GRAMD1A: variants seen among roughly 807,000 people sequenced by gnomAD.
GRAMD1A encodes protein Aster-A.
A neutral mutation model predicts 92.0 loss-of-function variants in GRAMD1A; 50 were observed. The ratio of observed to expected loss-of-function variants is 0.54; its 90% CI spans 0.43 to 0.69. The LOEUF is 0.69. GRAMD1A is among the 30% of genes least tolerant of loss of function. The pLI is 0.00. For synonymous variants in GRAMD1A, 405 were observed against 403.6 expected (o/e 1.00, Z -0.04); for missense variants, 819 against 978.9 (o/e 0.84, Z 2.18).
chr19:35,003,399 T>C (rs2014559693), intron 1 of GRAMD1A, among the ~76,000 whole-genome samples: 1 of 152,098 alleles, frequency 6.6e-6, no homozygotes, highest in South Asian at 2.1e-4. Flanking sequence ...CCGAGTCTCC[T>C]CGCCCCTATA....
intron 13 of GRAMD1A, among the ~76,000 whole-genome samples, chr19:35,019,782 T>C (rs1347657730): frequency 6.6e-6 from 1 of 152,088 alleles, no homozygotes; most frequent in East Asian, 1.9e-4. Context: ...CAATATCACC[T>C]CTCTCAGGGA....
At chr19:35,022,865 C>T (rs1227536483) in intron 16 of GRAMD1A, 35 bp from the exon 17 acceptor site, 4 of 1,600,574 alleles carry the variant, frequency 2.5e-6, no homozygotes, top group Middle Eastern at 1.8e-4. Flanking sequence ...AGGCGGCGCT[C>T]ATCTCTCTGT....
At chr19:35,002,181 C>T (rs1442963710) in intron 1 of GRAMD1A, among the ~76,000 whole-genome samples, 1 of 152,040 alleles carries the variant, frequency 6.6e-6, no homozygotes, top group East Asian at 1.9e-4. Flanking sequence ...TGGGAGTACC[C>T]AGGGCACTTT....
rs1376240400 is a variant in GRAMD1A at position 35,021,193 on chromosome 19, G to A, written c.1476-309G>A. On this transcript the variant is annotated intron_variant, in intron 13 of 19. Transcript: ENST00000317991. The surrounding 1 kb of genome is among the most constrained non-coding windows in gnomAD (Gnocchi z 5.3). ...TGGGGTGCAGCAGCCGAATGGAAGA[G>A]GTTCAGGGGCATGGTCTGGTTAAGA... 6.6e-6 allele frequency among the ~76,000 whole-genome samples: 1 copy of A among 152,218 alleles called. No homozygotes were observed. Among genetic ancestry groups the A allele is most frequent in the Non-Finnish European group, 1.5e-5 (1 of 68,042 alleles).
chr19:35,024,679 T>G, intron 19 of GRAMD1A, among the ~76,000 whole-genome samples: 1 of 152,002 alleles, frequency 6.6e-6, no homozygotes, highest in African/African-American at 2.4e-5. Flanking sequence ...GAAATCAAGC[T>G]TGGGAGAGGC....
chr19:34,997,071 C>T (rs2014065718), upstream of GRAMD1A, among the ~76,000 whole-genome samples: 1 of 152,030 alleles, frequency 6.6e-6, no homozygotes, highest in African/African-American at 2.4e-5. Context: ...ACCACCACAC[C>T]TGTCTATTTT....
chr19:35,017,934 T>TC (rs1195488128), intron 11 of GRAMD1A, among the ~76,000 whole-genome samples: 6 of 152,228 alleles, frequency 3.9e-5, no homozygotes, highest in Non-Finnish European at 7.3e-5. Context: ...CTCCAAGCCC[T>TC]GCATAGGCCT....
intron 1 of GRAMD1A, among the ~76,000 whole-genome samples, chr19:35,008,003 T>C (rs779799829): frequency 6.6e-6 from 1 of 152,110 alleles, no homozygotes; most frequent in Non-Finnish European, 1.5e-5. Flanking sequence ...CAATAAATAT[T>C]TGTTGTATGA....
chr19:35,004,997 T>G (rs1288195892), intron 1 of GRAMD1A, among the ~76,000 whole-genome samples: 1 of 152,120 alleles, frequency 6.6e-6, no homozygotes, highest in East Asian at 1.9e-4. Flanking sequence ...TGGAAGGTCC[T>G]TGGACTGTGG....
At chr19:35,003,258 C>G (rs544935676) in intron 1 of GRAMD1A, among the ~76,000 whole-genome samples, 1 of 152,110 alleles carries the variant, frequency 6.6e-6, no homozygotes, top group Non-Finnish European at 1.5e-5. Flanking sequence ...TACTGTGTGA[C>G]AATCATTGAG....
chr19:35,013,566 A>C lies in GRAMD1A; in HGVS notation c.745A>C (p.Ile249Leu). Residue 249 changes from isoleucine (I) to leucine (L), a missense_variant, in exon 9 of 20, where the codon ATC becomes CTC. Ile to Leu is a conservative substitution (Grantham distance 5, BLOSUM62 2). Transcript: ENST00000317991. The surrounding 1 kb of genome is among the most constrained non-coding windows in gnomAD (Gnocchi z 4.9). Reference protein sequence around the residue: ...LGTPKEVGDVIALSDITSSGA... With the variant: ...LGTPKEVGDVLALSDITSSGA... ...GACCCCCAAGGAAGTGGGAGATGTG[A>C]TCGCCCTGAGCGACATCACCTCCTC... 1 of 1,610,442 alleles carries C rather than the reference A, an allele frequency of 6.2e-7. No individual in the cohort carries two copies. Among genetic ancestry groups the C allele is most frequent in the Non-Finnish European group, 8.5e-7 (1 of 1,177,866 alleles).
Position 35,013,177 on chromosome 19 carries a change from C to T in GRAMD1A, c.607-79C>T, listed in dbSNP as rs1447022313. 9.5e-6 allele frequency: 7 copies of T among 732,986 alleles called. No homozygotes were observed. Among genetic ancestry groups the T allele is most frequent in the East Asian group, 8.1e-5 (3 of 36,820 alleles). The allele number at this position is 732,986 out of a possible 1,614,324, so 45.4% of individuals were successfully genotyped here. On this transcript the variant is annotated intron_variant, in intron 7 of 19. Transcript: ENST00000317991. This position sits in a 1 kb window ranked among gnomAD's most constrained non-coding sequence, Gnocchi z 4.9. ...TGGAAGCCAGGGGAACTGCGGAGGCCGAGGGCTGGTGGGGAATCTGGCGGG... is the reference window on the plus strand; with the variant it reads ...TGGAAGCCAGGGGAACTGCGGAGGCTGAGGGCTGGTGGGGAATCTGGCGGG...
chr19:34,995,151 C>T lies in GRAMD1A; in HGVS notation c.-30+326C>T, dbSNP rs376762159. Among the ~76,000 whole-genome samples, 17 of 152,340 alleles carry T rather than the reference C, an allele frequency of 1.1e-4. 1 individual carries two copies. The highest frequency in any genetic ancestry group is 3.1e-4 in the African/African-American group (13 of 41,570). On this transcript the variant is annotated intron_variant, in intron 1 of 19. Transcript: ENST00000599564. ...CTAAGCAAACAGGGAAGGGGAATCC[C>T]GATTCGGCCTCTCTGTCTGTCCGGC...
chr19:35,007,292 G>T (rs1294883019), intron 1 of GRAMD1A, among the ~76,000 whole-genome samples: 2 of 151,422 alleles, frequency 1.3e-5, no homozygotes, highest in African/African-American at 4.9e-5. Flanking sequence ...GGTGGCTCAC[G>T]CCTGTAATCC....
intron 6 of GRAMD1A, 42 bp downstream of exon 6, chr19:35,010,421 C>T (rs749314060): frequency 3.9e-6 from 5 of 1,297,036 alleles, no homozygotes; most frequent in African/African-American, 2.9e-5. Flanking sequence ...GTCCCCCGCT[C>T]AGCAGGCCGC....
rs114728615 is a variant in GRAMD1A at position 35,026,324 on chromosome 19, C to T, written c.*183C>T. The T allele has an allele frequency of 2.1e-3, 1,230 of 591,558 alleles. 12 individuals carry two copies. The highest frequency in any genetic ancestry group is 0.018 in the African/African-American group (961 of 53,936). 36.6% of individuals were successfully genotyped at this position (591,558 alleles called of 1,614,324 possible). On this transcript the variant is annotated 3_prime_UTR_variant, in exon 20 of 20. Transcript: ENST00000317991. ...TGCACTTTAGACCAGGGAGCTGGCC[C>T]GGCCTCTGGCAGGCCCCCCACTAAC...
Position 35,019,204 on chromosome 19 carries a change from C to T in GRAMD1A, c.1227C>T (p.Ser409=), listed in dbSNP as rs368403952. 6 of 1,610,204 alleles carry T rather than the reference C, an allele frequency of 3.7e-6. No individual in the cohort carries two copies. Among genetic ancestry groups the T allele is most frequent in the Non-Finnish European group, 4.2e-6 (5 of 1,177,084 alleles). The change falls in exon 12 of 20, where the codon AGC becomes AGT. Residue 409 remains serine (S), a synonymous_variant. Transcript: ENST00000317991. Reference sequence around the variant, plus strand: ...TCCCTCCTCTAGACGTGACGCTGAGCCCCTGGAGTGGGGACAGCAAGTGCC... The same window carrying T: ...TCCCTCCTCTAGACGTGACGCTGAGTCCCTGGAGTGGGGACAGCAAGTGCC... ...QQCKFTDVTL[S]PWSGDSKCHQ... is the part of the protein sequence containing the mutation.
In GRAMD1A at chr19:35,000,336, G is replaced by C. The variant is rs1344075446; in HGVS notation, c.-143G>C. On this transcript the variant is annotated 5_prime_UTR_variant, in exon 1 of 20. Coordinates refer to ENST00000317991, the MANE Select transcript of GRAMD1A (RefSeq NM_020895.5). The surrounding 1 kb of genome is among the most constrained non-coding windows in gnomAD (Gnocchi z 4.9). Reference sequence around the variant, plus strand: ...GGCGGCTCCGGCCTTTTGTGCGGGCGGTTGGGTCGGGTGGGGGCGGCGGCC... The same window carrying C: ...GGCGGCTCCGGCCTTTTGTGCGGGCCGTTGGGTCGGGTGGGGGCGGCGGCC... 2.8e-5 allele frequency: 30 copies of C among 1,069,204 alleles called. No homozygotes were observed. The highest frequency in any genetic ancestry group is 3.4e-5 in the African/African-American group (2 of 59,050). The allele number at this position is 1,069,204 out of a possible 1,614,324, so 66.2% of individuals were successfully genotyped here.
chr19:35,022,754 C>T (rs915842520), intron 16 of GRAMD1A, 146 bp from the exon 17 acceptor site: 21 of 634,248 alleles, frequency 3.3e-5, no homozygotes, highest in Non-Finnish European at 4.3e-5. Flanking sequence ...CATGCTCAGC[C>T]TCTGAGCCTC....
Sources: allele counts gnomAD v4.1 joint callset (sites outside exome capture counted in the v4.1 genomes callset), GRCh38; gene constraint gnomAD v4.1.1; non-coding constraint Gnocchi (gnomAD v3.1); transcripts MANE v1.5; gene names NCBI Gene and HGNC (gene_info 2026-07-23, HGNC 2026-07-21).